ZNF124: variants seen among roughly 807,000 people sequenced by gnomAD.
ZNF124 encodes zinc finger protein HZF-16.
A neutral mutation model predicts 26.6 loss-of-function variants in ZNF124; 25 were observed. The observed-to-expected ratio is 0.94, with a 90% CI of 0.68 to 1.31. The LOEUF (loss-of-function observed/expected upper bound fraction) is 1.31, where lower values mean the gene tolerates loss of function less well. ZNF124 is among the 40% of genes most tolerant of loss of function. The pLI is 0.00. For synonymous variants in ZNF124, 129 were observed against 133.3 expected (o/e 0.97, Z 0.22); for missense variants, 444 against 422.2 (o/e 1.05, Z -0.45).
At chr1:247,132,800 C>T (rs979517360) in intron 3 of ZNF124, among the ~76,000 whole-genome samples, 1 of 152,170 alleles carries the variant, frequency 6.6e-6, no homozygotes, top group Admixed American at 6.5e-5. Flanking sequence ...CCAGTGCATG[C>T]AGCCCCCAGT....
intron 1 of ZNF124, among the ~76,000 whole-genome samples, chr1:247,164,989 C>G (rs1042797506): frequency 1.3e-5 from 2 of 151,248 alleles, no homozygotes; most frequent in Non-Finnish European, 2.9e-5. Context: ...TTTCTTGAGA[C>G]GGAGTCTTGC....
At chr1:247,128,655 T>G (rs955455507) in intron 3 of ZNF124, among the ~76,000 whole-genome samples, 2 of 151,182 alleles carry the variant, frequency 1.3e-5, no homozygotes, top group Non-Finnish European at 2.9e-5. Flanking sequence ...TATCACTCCT[T>G]AGAGACAAAA....
At chr1:247,125,715 T>C (rs1057031426) in intron 3 of ZNF124, among the ~76,000 whole-genome samples, 3 of 138,442 alleles carry the variant, frequency 2.2e-5, no homozygotes, top group Non-Finnish European at 4.7e-5. Context: ...CAGCCATCTG[T>C]TTATTTATTT....
intron 1 of ZNF124, among the ~76,000 whole-genome samples, chr1:247,161,183 C>A (rs1270236842): frequency 6.6e-6 from 1 of 152,068 alleles, no homozygotes. Context: ...CAATGATTTT[C>A]AAATATAATA....
intron 1 of ZNF124, 166 bp from the exon 2 acceptor site, chr1:247,159,979 C>G (rs202064986): frequency 6.9e-6 from 1 of 144,292 alleles, no homozygotes; most frequent in Non-Finnish European, 1.1e-5. Context: ...CATAGCAGTT[C>G]TTTTTTTTTT....
Position 247,159,808 on chromosome 1 carries a change from C to T in ZNF124, c.36G>A (p.Ser12=), listed in dbSNP as rs144789027. The change falls in exon 2 of 4, where the codon TCG becomes TCA. Residue 12 remains serine (S), a synonymous_variant. Transcript: ENST00000543802. The part of the protein sequence containing the change: ...SGHPGSWEMN[S]VAFEDVAVNF... ...TCACAGCCACATCCTCAAAGGCAACCGAGTTCTAAAATATTCCACATTTTT... is the reference window on the plus strand; with the variant it reads ...TCACAGCCACATCCTCAAAGGCAACTGAGTTCTAAAATATTCCACATTTTT... 1.3e-4 allele frequency: 216 copies of T among 1,610,338 alleles called. No individual in the cohort carries two copies. In the African/African-American group the frequency reaches 2.3e-3, roughly 17 times the overall value.
At chr1:247,149,348 T>G (rs1434975506) in intron 3 of ZNF124, among the ~76,000 whole-genome samples, 1 of 152,234 alleles carries the variant, frequency 6.6e-6, no homozygotes, top group Non-Finnish European at 1.5e-5. Flanking sequence ...CTTCTGGGAT[T>G]ATATCCAAAG....
chr1:247,122,997 G>C (rs111565190), exon 4 of ZNF124: 1 of 152,188 alleles, frequency 6.6e-6, no homozygotes, highest in Non-Finnish European at 1.5e-5. Context: ...TTGCTGTTTG[G>C]AATGTGGTTT....
chr1:247,148,734 G>A (rs1672850197), intron 3 of ZNF124, among the ~76,000 whole-genome samples: 1 of 152,092 alleles, frequency 6.6e-6, no homozygotes, highest in Admixed American at 6.5e-5. Context: ...GCCGAGGCGG[G>A]CAGATCACGA....
At chr1:247,148,093 A>G (rs1672833234) in intron 3 of ZNF124, among the ~76,000 whole-genome samples, 1 of 152,232 alleles carries the variant, frequency 6.6e-6, no homozygotes, top group Non-Finnish European at 1.5e-5. Context: ...CTATTTATCC[A>G]AAGTGCTCTA....
In ZNF124 at chr1:247,170,706, G is replaced by A. The variant is rs558012475; in HGVS notation, c.30+1142C>T. 3.8e-4 allele frequency among the ~76,000 whole-genome samples: 55 copies of A among 143,316 alleles called. 1 individual carries two copies. The highest frequency in any genetic ancestry group is 6.0e-4 in the East Asian group (3 of 4,986). The allele number at this position is 143,316 out of a possible 152,430, so 94.0% of individuals were successfully genotyped here. A position where few individuals can be genotyped will look rare whatever the true frequency, so the allele number is the denominator to read the frequency against. On this transcript the variant is annotated intron_variant, in intron 1 of 3. Coordinates refer to ENST00000543802, the MANE Select transcript of ZNF124 (RefSeq NM_001297568.2). ...ACTCTAAGGGGGTCCACGTGAGAGG[G>A]TCGTGATCGATTGACCAAGCAGGGG...
At chr1:247,167,180 A>G (rs938750050) in intron 1 of ZNF124, among the ~76,000 whole-genome samples, 1 of 152,244 alleles carries the variant, frequency 6.6e-6, no homozygotes, top group African/African-American at 2.4e-5. Context: ...CTGAAATACC[A>G]AAACAAACAA....
chr1:247,162,285 G>A (rs960342205), intron 1 of ZNF124, among the ~76,000 whole-genome samples: 3 of 152,108 alleles, frequency 2.0e-5, no homozygotes, highest in African/African-American at 7.2e-5. Flanking sequence ...ATGTAAATGG[G>A]CTAAATGCCC....
chr1:247,150,909 A>T (rs1672915256), downstream of ZNF124, among the ~76,000 whole-genome samples: 1 of 151,950 alleles, frequency 6.6e-6, no homozygotes, highest in Admixed American at 6.5e-5. Flanking sequence ...TTTTATTAAA[A>T]TTAAGAGCTT....
chr1:247,159,032 C>T lies in ZNF124; in HGVS notation c.192G>A (p.Gln64=), dbSNP rs1459237017. ...TTAGATTTCTTGAAGAATTTTTGTA[C>T]TGATCTTCAATGCTCTGGTCTTCCC... ...NKGEDQSIED[Q]YKNSSRNLRH... is the part of the protein sequence containing the mutation. The change falls in exon 3 of 4, where the codon CAG becomes CAA. Residue 64 remains glutamine (Q), a synonymous_variant. Coordinates refer to ENST00000543802, the MANE Select transcript of ZNF124 (RefSeq NM_001297568.2). The T allele has an allele frequency of 1.2e-5, 20 of 1,613,360 alleles. No individual in the cohort carries two copies. Among genetic ancestry groups the T allele is most frequent in the Non-Finnish European group, 1.7e-5 (20 of 1,179,814 alleles).
chr1:247,136,992 C>G (rs1463054899), intron 3 of ZNF124, among the ~76,000 whole-genome samples: 1 of 151,358 alleles, frequency 6.6e-6, no homozygotes, highest in East Asian at 1.9e-4. Context: ...CCAATATACC[C>G]AAGACAATCC....
chr1:247,134,751 C>G (rs955785148), intron 3 of ZNF124, among the ~76,000 whole-genome samples: 2 of 152,170 alleles, frequency 1.3e-5, no homozygotes, highest in African/African-American at 4.8e-5. Flanking sequence ...ATCAAGTGAC[C>G]TAGTAGATGT....
Position 247,155,869 on chromosome 1 carries a change from A to G in ZNF124, c.*697T>C. 3 of 881,920 alleles carry G rather than the reference A, an allele frequency of 3.4e-6. No individual in the cohort carries two copies. The highest frequency in any genetic ancestry group is 4.1e-6 in the Non-Finnish European group (3 of 737,084). The allele number at this position is 881,920 out of a possible 1,614,324, so 54.6% of individuals were successfully genotyped here. On this transcript the variant is annotated 3_prime_UTR_variant, in exon 4 of 4. Transcript: ENST00000543802. ...AAGTGAGACTCCATCTCAAAAAAAAAAAAAAAAGTCTCACCTCAATTTTTT... is the reference window on the plus strand; with the variant it reads ...AAGTGAGACTCCATCTCAAAAAAAAGAAAAAAAGTCTCACCTCAATTTTTT...
At chr1:247,154,013 C>T (rs1053601986), downstream of ZNF124, among the ~76,000 whole-genome samples, 2 of 152,180 alleles carry the variant, frequency 1.3e-5, no homozygotes, top group Non-Finnish European at 2.9e-5. Flanking sequence ...GCACAGAAAA[C>T]ACAAGGTCAC....
Sources: allele counts gnomAD v4.1 joint callset (sites outside exome capture counted in the v4.1 genomes callset), GRCh38; gene constraint gnomAD v4.1.1; transcripts MANE v1.5; gene names NCBI Gene and HGNC (gene_info 2026-07-23, HGNC 2026-07-21).